The following PRKCI variants were observed in gnomAD, a reference collection of about 807,000 sequenced individuals.
PRKCI encodes protein kinase C iota type.
PRKCI carries 43 observed loss-of-function variants against 84.0 expected under a neutral mutation model. That is an observed-to-expected ratio of 0.51 (90% CI 0.40 to 0.66). PRKCI has a LOEUF of 0.66. PRKCI is among the 30% of genes least tolerant of loss of function. The pLI, the probability that PRKCI is intolerant of heterozygous loss-of-function variation, is 0.00. For synonymous variants in PRKCI, 216 were observed against 234.4 expected, an observed-to-expected ratio of 0.92 and a Z score of 0.72; for missense variants, 459 against 745.6, an observed-to-expected ratio of 0.62 and a Z score of 4.48.
At chr3:170,240,032 C>CA (rs1004750137) in intron 2 of PRKCI, among the ~76,000 whole-genome samples, 4 of 151,904 alleles carry the variant, frequency 2.6e-5, no homozygotes, top group African/African-American at 9.7e-5. Flanking sequence ...CATGGTGGTA[C>CA]ACACCTATAG....
intron 2 of PRKCI, 42 bp from the exon 3 acceptor site, chr3:170,259,927 G>T (rs758865756): frequency 8.3e-7 from 1 of 1,200,716 alleles, no homozygotes; most frequent in African/African-American, 1.5e-5. Context: ...ATCACATTTA[G>T]GGGTTTTAAA....
At chr3:170,259,047 G>A (rs1198161088) in intron 2 of PRKCI, among the ~76,000 whole-genome samples, 2 of 152,150 alleles carry the variant, frequency 1.3e-5, no homozygotes, top group African/African-American at 4.8e-5. Context: ...GGAAGGCTGA[G>A]GCAGGAGAAT....
intron 12 of PRKCI, among the ~76,000 whole-genome samples, 200 bp downstream of exon 12, chr3:170,284,796 A>G (rs1171511990): frequency 6.6e-6 from 1 of 152,210 alleles, no homozygotes; most frequent in African/African-American, 2.4e-5. Flanking sequence ...GTGTACTACA[A>G]TAAGAGCTAA....
At chr3:170,247,458 C>T (rs1002104344) in intron 2 of PRKCI, among the ~76,000 whole-genome samples, 2 of 151,592 alleles carry the variant, frequency 1.3e-5, no homozygotes, top group East Asian at 2.0e-4. Flanking sequence ...AGGCTGGATG[C>T]GGTGGCTCAC....
intron 8 of PRKCI, among the ~76,000 whole-genome samples, chr3:170,278,849 G>A (rs1734179454): frequency 6.6e-6 from 1 of 152,144 alleles, no homozygotes; most frequent in Non-Finnish European, 1.5e-5. Context: ...GGGAGCAAGG[G>A]AGTCAGGGGA....
chr3:170,291,674 G>T, intron 12 of PRKCI, 180 bp from the exon 13 acceptor site: 1 of 513,460 alleles, frequency 1.9e-6, no homozygotes. Context: ...GCCAGCCTGG[G>T]CGACAGAGCA....
At chr3:170,275,189 T>TA (rs1463826017) in intron 7 of PRKCI, 40 bp from the exon 8 acceptor site, 1 of 298,504 alleles carries the variant, frequency 3.4e-6, no homozygotes, top group South Asian at 7.9e-5. Flanking sequence ...TCCTGCACCT[T>TA]TTTTTTTTTT....
At chr3:170,282,000 CT>C (rs34191779) in intron 11 of PRKCI, 32 bp downstream of exon 11, 1 of 1,599,804 alleles carries the variant, frequency 6.3e-7, no homozygotes, top group South Asian at 1.1e-5. Flanking sequence ...GTGTTGTTTT[CT>C]TTTTGGGGCC....
intron 17 of PRKCI, among the ~76,000 whole-genome samples, chr3:170,302,704 A>G (rs907199512): frequency 2.6e-5 from 4 of 152,144 alleles, no homozygotes; most frequent in African/African-American, 7.2e-5. Flanking sequence ...ATTGAATGCT[A>G]ATTCAAACCT....
intron 2 of PRKCI, among the ~76,000 whole-genome samples, chr3:170,249,986 T>A (rs1257363721): frequency 6.6e-6 from 1 of 151,954 alleles, no homozygotes; most frequent in African/African-American, 2.4e-5. Flanking sequence ...GTAAAAATGC[T>A]AGACTCTGGC....
intron 2 of PRKCI, among the ~76,000 whole-genome samples, chr3:170,257,205 A>G (rs1167281391): frequency 2.0e-5 from 3 of 152,340 alleles, no homozygotes; most frequent in Non-Finnish European, 2.9e-5. Flanking sequence ...TTAAACAGTT[A>G]AAAAGAACAG....
In PRKCI at chr3:170,263,388, G is replaced by A; in HGVS notation, c.323G>A (p.Cys108Tyr). 6.2e-7 allele frequency: 1 copy of A among 1,602,064 alleles called. No individual in the cohort carries two copies. The highest frequency in any genetic ancestry group is 8.6e-7 in the Non-Finnish European group (1 of 1,169,236). ...GTTTATTTTCTTTCAGTGTTCCCTT[G>A]TGTACCAGAACGTCCTGGGATGCCT... Reference protein sequence around the residue: ...DSELLIHVFPCVPERPGMPCP... With the variant: ...DSELLIHVFPYVPERPGMPCP... Residue 108 changes from cysteine (C) to tyrosine (Y), a missense_variant, in exon 4 of 18, where the codon TGT becomes TAT. Transcript: ENST00000295797.
intron 1 of PRKCI, among the ~76,000 whole-genome samples, chr3:170,223,638 A>T (rs1393037692): frequency 1.1e-4 from 17 of 152,104 alleles, no homozygotes; most frequent in Admixed American, 1.1e-3. Flanking sequence ...TGAGATAATT[A>T]TGTTTAGGAG....
chr3:170,284,209 T>C (rs964357667), intron 11 of PRKCI, among the ~76,000 whole-genome samples: 6 of 152,148 alleles, frequency 3.9e-5, no homozygotes, highest in Admixed American at 2.6e-4. Flanking sequence ...AGGACCCAGA[T>C]TGAGAACCCC....
chr3:170,297,450 TTTG>T, intron 16 of PRKCI, 57 bp downstream of exon 16: 1 of 1,378,608 alleles, frequency 7.3e-7, no homozygotes, highest in Non-Finnish European at 1.0e-6. Context: ...GGGCCAATTT[TTTG>T]TTGTTGTTCT....
At chr3:170,240,037 C>G (rs551828828) in intron 2 of PRKCI, among the ~76,000 whole-genome samples, 1 of 151,904 alleles carries the variant, frequency 6.6e-6, no homozygotes, top group Non-Finnish European at 1.5e-5. Context: ...TGGTACACAC[C>G]TATAGTCTCA....
At chr3:170,299,556 A>G (rs1288717956) in intron 17 of PRKCI, among the ~76,000 whole-genome samples, 3 of 152,234 alleles carry the variant, frequency 2.0e-5, no homozygotes, top group Non-Finnish European at 2.9e-5. Context: ...CCATTCAGTT[A>G]CTGGTATTTG....
intron 3 of PRKCI, 21 bp from the exon 4 acceptor site, chr3:170,263,358 T>C (rs1346918491): frequency 2.5e-6 from 4 of 1,581,704 alleles, no homozygotes; most frequent in African/African-American, 1.3e-5. Context: ...TGTTAACTCA[T>C]GTTCGTTTAT....
At chr3:170,248,247 C>G (rs1733341255) in intron 2 of PRKCI, among the ~76,000 whole-genome samples, 1 of 152,108 alleles carries the variant, frequency 6.6e-6, no homozygotes. Flanking sequence ...GTCAGGTTAT[C>G]TCATATAAAT....
Sources: allele counts gnomAD v4.1 joint callset (sites outside exome capture counted in the v4.1 genomes callset), GRCh38; gene constraint gnomAD v4.1.1; transcripts MANE v1.5; gene names NCBI Gene and HGNC (gene_info 2026-07-23, HGNC 2026-07-21).